EBF3: variants seen among roughly 807,000 people sequenced by gnomAD.
The protein encoded by EBF3 is transcription factor COE3.
EBF3 carries 18 observed loss-of-function variants against 77.1 expected under a neutral mutation model. The ratio of observed to expected loss-of-function variants is 0.23; its 90% confidence interval spans 0.16 to 0.35. The LOEUF is 0.35. EBF3 is among the 10% of genes least tolerant of loss of function. EBF3 has a pLI of 1.00. For missense variants in EBF3, 558 were observed against 860.0 expected (o/e 0.65, Z 4.39); for synonymous variants, 350 against 343.5 (o/e 1.02, Z -0.21).
rs1858308420 is a variant in EBF3, at chr10:129,947,392, A to G, written c.554+9866T>C. 1.3e-5 allele frequency among the ~76,000 whole-genome samples: 2 copies of G among 152,226 alleles called. No individual in the cohort carries two copies. Among genetic ancestry groups the G allele is most frequent in the African/African-American group, 4.8e-5 (2 of 41,452 alleles). ...TGTCAGCAATGGCTAAAGCTGGCCTAACATTTTGTTTGGCAATTAGGAAAA... is the reference window on the plus strand; with the variant it reads ...TGTCAGCAATGGCTAAAGCTGGCCTGACATTTTGTTTGGCAATTAGGAAAA... On this transcript the variant is annotated intron_variant, in intron 6 of 16. Transcript: ENST00000440978. This position sits in a 1 kb window ranked among gnomAD's most constrained non-coding sequence, Gnocchi z 4.5.
intron 6 of EBF3, among the ~76,000 whole-genome samples, chr10:129,896,913 G>A (rs1854433603): frequency 6.6e-6 from 1 of 152,054 alleles, no homozygotes; most frequent in Admixed American, 6.5e-5. Flanking sequence ...CGCCACCCCA[G>A]GCCTCCTCTT....
At chr10:129,847,259 C>T (rs1590053675) in intron 11 of EBF3, among the ~76,000 whole-genome samples, 3 of 152,038 alleles carry the variant, frequency 2.0e-5, no homozygotes, top group Non-Finnish European at 2.9e-5. Flanking sequence ...TATGGGATGG[C>T]GGGACCCAGT....
intron 10 of EBF3, among the ~76,000 whole-genome samples, chr10:129,865,157 T>C (rs1443267836): frequency 6.6e-6 from 1 of 152,164 alleles, no homozygotes; most frequent in Admixed American, 6.5e-5. Context: ...ATGTGCACCG[T>C]GTGGCTTCAG....
intron 6 of EBF3, among the ~76,000 whole-genome samples, chr10:129,899,560 G>C (rs1458305166): frequency 6.6e-6 from 1 of 152,190 alleles, no homozygotes; most frequent in Admixed American, 6.5e-5. Context: ...GGAAGCCCAG[G>C]AGGAGAAACG....
chr10:129,905,288 G>C (rs1403198368), intron 6 of EBF3, among the ~76,000 whole-genome samples: 1 of 152,192 alleles, frequency 6.6e-6, no homozygotes, highest in Non-Finnish European at 1.5e-5. Context: ...GAGATGTGCT[G>C]TTTGTGTCCA....
At chr10:129,839,045 CG>C (rs1363809417) in intron 16 of EBF3, 37 bp downstream of exon 16, 2 of 1,303,614 alleles carry the variant, frequency 1.5e-6, no homozygotes, top group Non-Finnish European at 2.0e-6. Flanking sequence ...CATACGCTAA[CG>C]GATGTTGTGA....
In EBF3 at chr10:129,897,388, C is replaced by T. The variant is rs1006316410; in HGVS notation, c.555-19539G>A. 2.0e-5 allele frequency among the ~76,000 whole-genome samples: 3 copies of T among 152,162 alleles called. No individual in the cohort carries two copies. The highest frequency in any genetic ancestry group is 4.4e-5 in the Non-Finnish European group (3 of 68,028). ...TTTGTGGAACCAGAGCAGAGCCCAG[C>T]GGTGCCACCCATCTGGAAGGCGGTG... On this transcript the variant is annotated intron_variant, in intron 6 of 16. Coordinates refer to ENST00000440978, the MANE Select transcript of EBF3 (RefSeq NM_001375380.1). This position sits in a 1 kb window ranked among gnomAD's most constrained non-coding sequence, Gnocchi z 4.6.
intron 14 of EBF3, 91 bp from the exon 15 acceptor site, chr10:129,840,533 A>C: frequency 2.1e-6 from 3 of 1,405,136 alleles, no homozygotes; most frequent in Non-Finnish European, 2.9e-6. Context: ...ACGGGGGGGC[A>C]GGGGCACGAA....
intron 6 of EBF3, among the ~76,000 whole-genome samples, chr10:129,924,441 AAAAAC>A (rs1387508496): frequency 1.3e-4 from 17 of 133,312 alleles, no homozygotes; most frequent in African/African-American, 2.8e-4. Context: ...AAAAAAAAAA[AAAAAC>A]AAAAAACAAA....
intron 5 of EBF3, among the ~76,000 whole-genome samples, chr10:129,957,545 C>T (rs1388529879): frequency 6.6e-6 from 1 of 152,118 alleles, no homozygotes. Context: ...CTGTTAATAC[C>T]AGGAGGGTAA....
rs934718223 is a variant in EBF3 at position 129,879,366 on chromosome 10, G to A, written c.555-1517C>T. ...TCCCAAAATATCATCTGTCCTACTT[G>A]GTGATTATTAATTTTTGATGAAGTT... On this transcript the variant is annotated intron_variant, in intron 6 of 16. Transcript: ENST00000440978. This position sits in a 1 kb window ranked among gnomAD's most constrained non-coding sequence, Gnocchi z 4.7. 1.6e-4 allele frequency among the ~76,000 whole-genome samples: 24 copies of A among 152,222 alleles called. No homozygotes were observed. Among genetic ancestry groups the A allele is most frequent in the African/African-American group, 5.8e-4 (24 of 41,536 alleles).
chr10:129,854,870 G>A (rs148600889), intron 10 of EBF3, among the ~76,000 whole-genome samples: 5 of 152,352 alleles, frequency 3.3e-5, no homozygotes, highest in African/African-American at 4.8e-5. Flanking sequence ...CAGCCTCCGC[G>A]TCGTTCACCA....
intron 6 of EBF3, among the ~76,000 whole-genome samples, chr10:129,915,454 GC>G (rs1218392434): frequency 7.8e-6 from 1 of 127,674 alleles, no homozygotes; most frequent in Non-Finnish European, 1.6e-5. Context: ...ATGCATGCGC[GC>G]ACACATGCAC....
At chr10:129,932,599 A>G (rs1857097143) in intron 6 of EBF3, among the ~76,000 whole-genome samples, 1 of 152,250 alleles carries the variant, frequency 6.6e-6, no homozygotes, top group Admixed American at 6.5e-5. Flanking sequence ...CAGGGGGCAC[A>G]TGGTGTATGT....
intron 8 of EBF3, among the ~76,000 whole-genome samples, chr10:129,868,727 G>A (rs1419068509): frequency 2.0e-5 from 3 of 152,262 alleles, no homozygotes; most frequent in African/African-American, 7.2e-5. Context: ...CGGCAGCCTT[G>A]AGCAGGAGGC....
chr10:129,888,836 A>G (rs1311855224), intron 6 of EBF3, among the ~76,000 whole-genome samples: 1 of 152,242 alleles, frequency 6.6e-6, no homozygotes, highest in African/African-American at 2.4e-5. Context: ...GCAAGAGAAA[A>G]TTGCTAACCT....
In EBF3 at chr10:129,890,525, G is replaced by A. The variant is rs116204476; in HGVS notation, c.555-12676C>T. Among the ~76,000 whole-genome samples the A allele has an allele frequency of 3.2e-3, 488 of 152,328 alleles. 1 individual carries two copies. The highest frequency in any genetic ancestry group is 0.011 in the African/African-American group (445 of 41,584). On this transcript the variant is annotated intron_variant, in intron 6 of 16. Coordinates refer to ENST00000440978, the MANE Select transcript of EBF3 (RefSeq NM_001375380.1). ...ATACTGGGCACGGCTTTAAGGCACC[G>A]TCAACCAATTAGTTTAACTCGATCA...
Position 129,840,425 on chromosome 10 carries a change from T to TG in EBF3, c.1578dup (p.Thr527HisfsTer14). 1 of 1,551,460 alleles carries TG rather than the reference T, an allele frequency of 6.4e-7. No individual in the cohort carries two copies. The highest frequency in any genetic ancestry group is 2.4e-5 in the East Asian group (1 of 40,930). Reference sequence around the variant, plus strand: ...AGGGTGACCGAAGAGGCTGCCATGGTGGGGCTGGACGGCACTACTGCAACA... The same window carrying TG: ...AGGGTGACCGAAGAGGCTGCCATGGTGGGGGCTGGACGGCACTACTGCAACA... On this transcript the variant is annotated frameshift_variant, in exon 15 of 17. Coordinates refer to ENST00000440978, the MANE Select transcript of EBF3 (RefSeq NM_001375380.1). LOFTEE classifies it high-confidence loss of function.
intron 6 of EBF3, among the ~76,000 whole-genome samples, chr10:129,887,672 G>C (rs376107288): frequency 2.0e-5 from 3 of 152,148 alleles, no homozygotes; most frequent in Admixed American, 1.3e-4. Flanking sequence ...ATAATTCAGG[G>C]TGAGAGATGG....
Sources: allele counts gnomAD v4.1 joint callset (sites outside exome capture counted in the v4.1 genomes callset), GRCh38; gene constraint gnomAD v4.1.1; non-coding constraint Gnocchi (gnomAD v3.1); transcripts MANE v1.5; gene names NCBI Gene and HGNC (gene_info 2026-07-23, HGNC 2026-07-21).